KIAA1217: variants seen among roughly 807,000 people sequenced by gnomAD.
The protein encoded by KIAA1217 is KIAA1217, also known as sickle tail protein homolog.
KIAA1217 carries 88 observed loss-of-function variants against 163.9 expected under a neutral mutation model. The ratio of observed to expected loss-of-function variants is 0.54; its 90% confidence interval spans 0.45 to 0.64. KIAA1217 has a LOEUF of 0.64. Ranked by LOEUF, KIAA1217 falls within the 30% of genes least tolerant of loss-of-function variation. The pLI is 0.00. For synonymous variants in KIAA1217, 903 were observed against 923.1 expected (o/e 0.98, Z 0.39); for missense variants, 2,372 against 2,475.0 (o/e 0.96, Z 0.88).
At chr10:24,269,249 G>GCCA (rs2076551131) in intron 2 of KIAA1217, among the ~76,000 whole-genome samples, 1 of 148,706 alleles carries the variant, frequency 6.7e-6, no homozygotes, top group African/African-American at 2.5e-5. Context: ...GTGGCCTGGC[G>GCCA]CAGTGGTTCA....
At chr10:24,017,040 G>GTTTTTTTTTTTTTTTTTTTTTTTTTT (rs35042335) in intron 2 of KIAA1217, among the ~76,000 whole-genome samples, 1 of 130,224 alleles carries the variant, frequency 7.7e-6, no homozygotes, top group Non-Finnish European at 1.6e-5. Flanking sequence ...TAGTTTTTTT[G>GTTTTTTTTTTTTTTTTTTTTTTTTTT]TTTTTTTTTT....
chr10:24,273,206 C>G (rs966651351), intron 2 of KIAA1217, among the ~76,000 whole-genome samples: 2 of 152,162 alleles, frequency 1.3e-5, no homozygotes, highest in Non-Finnish European at 2.9e-5. Flanking sequence ...TGTTTAGAGG[C>G]TGATAAATTT....
intron 6 of KIAA1217, among the ~76,000 whole-genome samples, chr10:24,475,327 T>C (rs1160322295): frequency 1.3e-5 from 2 of 152,212 alleles, no homozygotes; most frequent in South Asian, 2.1e-4. Flanking sequence ...TTATATACCA[T>C]GTAAAAAGAA....
intron 1 of KIAA1217, among the ~76,000 whole-genome samples, chr10:23,965,194 G>A (rs1351806933): frequency 6.6e-6 from 1 of 152,202 alleles, no homozygotes; most frequent in Admixed American, 6.5e-5. Flanking sequence ...ATTTTAGAAT[G>A]TTGTTTCAAA....
intron 2 of KIAA1217, among the ~76,000 whole-genome samples, chr10:24,152,009 A>C (rs2064639584): frequency 6.6e-6 from 1 of 152,104 alleles, no homozygotes; most frequent in South Asian, 2.1e-4. Context: ...CAGAGTAGTT[A>C]AGTTTTGTGA....
chr10:24,178,824 T>C (rs893534081), intron 2 of KIAA1217, among the ~76,000 whole-genome samples: 3 of 152,186 alleles, frequency 2.0e-5, no homozygotes, highest in African/African-American at 7.2e-5. Context: ...GAAGACTATG[T>C]TATGGAGAAT....
intron 2 of KIAA1217, among the ~76,000 whole-genome samples, chr10:24,202,873 T>C (rs970128358): frequency 2.6e-5 from 4 of 152,050 alleles, no homozygotes; most frequent in African/African-American, 9.7e-5. Context: ...ATTCTATAGT[T>C]GAAAGAAGAG....
intron 1 of KIAA1217, among the ~76,000 whole-genome samples, chr10:23,951,912 G>T (rs1589133957): frequency 6.6e-6 from 1 of 152,098 alleles, no homozygotes; most frequent in Non-Finnish European, 1.5e-5. Context: ...TGTGGTATAG[G>T]CTGGGACCAA....
intron 1 of KIAA1217, among the ~76,000 whole-genome samples, chr10:23,883,872 T>C (rs1204943049): frequency 6.6e-6 from 1 of 151,950 alleles, no homozygotes; most frequent in Non-Finnish European, 1.5e-5. Context: ...TGGAATCGCA[T>C]TGTATGTCTC....
chr10:24,254,690 C>T (rs540671708), intron 2 of KIAA1217, among the ~76,000 whole-genome samples: 1 of 152,308 alleles, frequency 6.6e-6, no homozygotes, highest in South Asian at 2.1e-4. Flanking sequence ...GGTGTTGAGA[C>T]AGTTGGTGAT....
intron 1 of KIAA1217, among the ~76,000 whole-genome samples, chr10:23,870,338 G>A (rs773262511): frequency 7.2e-5 from 11 of 152,034 alleles, no homozygotes; most frequent in Admixed American, 5.3e-4. Flanking sequence ...GTGATTTCCT[G>A]GGGTTTGAAG....
intron 5 of KIAA1217, among the ~76,000 whole-genome samples, chr10:24,471,781 G>A (rs2063540319): frequency 6.6e-6 from 1 of 151,742 alleles, no homozygotes; most frequent in Non-Finnish European, 1.5e-5. Context: ...TATTTGGGAG[G>A]CTGAGGTAGG....
intron 2 of KIAA1217, among the ~76,000 whole-genome samples, chr10:24,333,685 G>A (rs1488004122): frequency 2.6e-5 from 4 of 152,186 alleles, no homozygotes; most frequent in African/African-American, 9.6e-5. Context: ...AAGTAACAAA[G>A]CACGTTGTTT....
At chr10:23,876,333 A>G (rs1840692996) in intron 1 of KIAA1217, among the ~76,000 whole-genome samples, 1 of 151,780 alleles carries the variant, frequency 6.6e-6, no homozygotes, top group African/African-American at 2.4e-5. Context: ...CTCCATAAGG[A>G]GGGTGGAAGG....
At chr10:23,801,716 C>T (rs957525014) in intron 1 of KIAA1217, among the ~76,000 whole-genome samples, 3 of 152,036 alleles carry the variant, frequency 2.0e-5, no homozygotes, top group Admixed American at 1.3e-4. Context: ...TGTTATTATC[C>T]CCCTATTAAA....
rs776818509 is a variant in KIAA1217, at chr10:24,543,470, G to T, written c.4200G>T (p.Val1400=). 1.2e-6 allele frequency: 2 copies of T among 1,613,982 alleles called. No individual in the cohort carries two copies. The highest frequency in any genetic ancestry group is 2.2e-5 in the South Asian group (2 of 91,078). The part of the protein sequence containing the change: ...TTVQVLSSGE[V]HDIVSQKGED... ...TCCAGGTTCTTTCCAGTGGGGAGGT[G>T]CATGATATTGTTAGCCAAAAGGGAG... The change falls in exon 19 of 21, where the codon GTG becomes GTT. Residue 1400 remains valine (V), a synonymous_variant. Transcript: ENST00000376454.
chr10:23,890,265 C>A (rs911815426), intron 1 of KIAA1217, among the ~76,000 whole-genome samples: 7 of 151,486 alleles, frequency 4.6e-5, no homozygotes, highest in Non-Finnish European at 7.4e-5. Context: ...TTTCTGTTCA[C>A]TCTGGGATTA....
At chr10:24,282,110 A>G (rs2078011521) in intron 2 of KIAA1217, among the ~76,000 whole-genome samples, 1 of 152,076 alleles carries the variant, frequency 6.6e-6, no homozygotes, top group Non-Finnish European at 1.5e-5. Context: ...GCTTATGCCT[A>G]TAATCCCAGT....
intron 1 of KIAA1217, among the ~76,000 whole-genome samples, chr10:23,995,252 G>T (rs1045137595): frequency 3.9e-5 from 6 of 152,122 alleles, no homozygotes; most frequent in African/African-American, 1.4e-4. Context: ...CTGTGCTCTG[G>T]AGTAATTAGA....
Sources: allele counts gnomAD v4.1 joint callset (sites outside exome capture counted in the v4.1 genomes callset), GRCh38; gene constraint gnomAD v4.1.1; transcripts MANE v1.5; gene names NCBI Gene and HGNC (gene_info 2026-07-23, HGNC 2026-07-21).